Variants in TAB2 observed in about 807,000 individuals in gnomAD.
TAB2 encodes TGF-beta-activated kinase 1 and MAP3K7-binding protein 2.
In TAB2, 3 loss-of-function variants were observed where a neutral mutation model predicts 65.0. That is an observed-to-expected ratio of 0.05 (90% CI 0.02 to 0.12). The LOEUF is 0.12. Among genes scored for constraint, TAB2 ranks in the 10% least tolerant of loss-of-function variants. The pLI is 1.00. For synonymous variants in TAB2, 298 were observed against 285.1 expected, an observed-to-expected ratio of 1.05 and a Z score of -0.46; for missense variants, 623 against 840.3, an observed-to-expected ratio of 0.74 and a Z score of 3.20.
chr6:149,298,690 C>T (rs1342025218), intron 1 of TAB2, among the ~76,000 whole-genome samples: 2 of 151,108 alleles, frequency 1.3e-5, no homozygotes, highest in East Asian at 3.9e-4. Context: ...AGGTTTTTCT[C>T]ATTTATAAAT....
chr6:149,350,840 A>G (rs536436098), intron 1 of TAB2, among the ~76,000 whole-genome samples: 1 of 152,226 alleles, frequency 6.6e-6, no homozygotes, highest in South Asian at 2.1e-4. Context: ...AGAACGGTGC[A>G]AAGATAAAAT....
chr6:149,379,603 C>A, intron 3 of TAB2, 85 bp downstream of exon 3: 2 of 1,304,948 alleles, frequency 1.5e-6, no homozygotes, highest in Non-Finnish European at 2.2e-6. Flanking sequence ...TGGATGTTAG[C>A]ATTGTTATTT....
At position 149,379,614 on chromosome 6, in the gene TAB2, C is replaced by A. The variant is rs1583141746; in HGVS notation, c.1603+96C>A. 10 of 1,201,810 alleles carry A rather than the reference C, an allele frequency of 8.3e-6. No individual in the cohort carries two copies. The East Asian group carries it at 1.6e-4, about 20-fold the overall frequency. 74.4% of individuals were successfully genotyped at this position (1,201,810 alleles called of 1,614,324 possible). ...GAAATGGATGTTAGCATTGTTATTT[C>A]ATTGTTTAAATATTGCCCCAAATGA... On this transcript the variant is annotated intron_variant, in intron 3 of 6. Transcript: ENST00000637181.
chr6:149,273,578 T>G (rs541799), intron 1 of TAB2, among the ~76,000 whole-genome samples: 3,504 of 152,280 alleles, frequency 0.023, 61 homozygotes, highest in Non-Finnish European at 0.035. Flanking sequence ...AACTGTGCAG[T>G]GGAGGAAGTG....
chr6:149,254,558 AC>A (rs148673565), intron 1 of TAB2, among the ~76,000 whole-genome samples: 1 of 152,236 alleles, frequency 6.6e-6, no homozygotes, highest in African/African-American at 2.4e-5. Context: ...GTCATGATTG[AC>A]AGTTCCACAG....
chr6:149,362,033 A>G (rs1210966884), intron 1 of TAB2, among the ~76,000 whole-genome samples: 1 of 152,172 alleles, frequency 6.6e-6, no homozygotes, highest in Non-Finnish European at 1.5e-5. Context: ...ATAACCATTT[A>G]ACCAGTCTCT....
In TAB2 at chr6:149,367,062, G is replaced by A. The variant is rs192019712; in HGVS notation, c.-89-2847G>A. On this transcript the variant is annotated intron_variant, in intron 1 of 6. Transcript: ENST00000637181. ...AATATTCATTTTATTCAACAAATAT[G>A]TTGCATCTTCTGTGAGCCAGGAATG... 4.5e-3 allele frequency among the ~76,000 whole-genome samples: 678 copies of A among 151,874 alleles called. 4 individuals are homozygous for A. The highest frequency in any genetic ancestry group is 5.5e-3 in the Non-Finnish European group (371 of 67,962).
At chr6:149,406,788 G>C (rs1046008454) in intron 6 of TAB2, among the ~76,000 whole-genome samples, 2 of 151,874 alleles carry the variant, frequency 1.3e-5, no homozygotes, top group African/African-American at 4.8e-5. Flanking sequence ...GCGCAATCTC[G>C]GCTCACCACA....
At chr6:149,337,063 A>C (rs1483924487) in intron 1 of TAB2, among the ~76,000 whole-genome samples, 6 of 152,176 alleles carry the variant, frequency 3.9e-5, no homozygotes, top group Admixed American at 3.9e-4. Flanking sequence ...AAAAGCACAG[A>C]TATTTTCAGA....
At chr6:149,396,696 A>T (rs2114939194) in intron 3 of TAB2, among the ~76,000 whole-genome samples, 1 of 152,372 alleles carries the variant, frequency 6.6e-6, no homozygotes, top group East Asian at 1.9e-4. Context: ...CAAGTAGTTC[A>T]TGCTGCAGGA....
intron 1 of TAB2, among the ~76,000 whole-genome samples, chr6:149,258,295 A>C (rs951003676): frequency 3.9e-5 from 6 of 152,096 alleles, no homozygotes; most frequent in African/African-American, 1.4e-4. Context: ...TATGGTGTAA[A>C]TACTCCCACC....
intron 1 of TAB2, among the ~76,000 whole-genome samples, chr6:149,343,891 T>C (rs1780207172): frequency 6.6e-6 from 1 of 152,232 alleles, no homozygotes; most frequent in Non-Finnish European, 1.5e-5. Flanking sequence ...ACATGTCTTT[T>C]GATTTTAGTT....
At chr6:149,238,232 T>C (rs549082023) in intron 1 of TAB2, among the ~76,000 whole-genome samples, 12 of 152,290 alleles carry the variant, frequency 7.9e-5, no homozygotes, top group Non-Finnish European at 1.6e-4. Context: ...ACCAGGAAAC[T>C]CCACATGGAA....
chr6:149,392,940 AAACTCAC>A (rs139993651), intron 3 of TAB2, among the ~76,000 whole-genome samples: 3,612 of 152,310 alleles, frequency 0.024, 130 homozygotes, highest in African/African-American at 0.084. Flanking sequence ...CTTGCAGACA[AAACTCAC>A]AGCTAGAGAA....
At chr6:149,311,046 T>A (rs1779158485) in intron 1 of TAB2, among the ~76,000 whole-genome samples, 1 of 152,170 alleles carries the variant, frequency 6.6e-6, no homozygotes, top group Admixed American at 6.5e-5. Flanking sequence ...TCCACCTGAA[T>A]TGAGGGTAGA....
rs528102199 is a variant in TAB2 at position 149,254,186 on chromosome 6, C to A, written c.-121+35410C>A. On this transcript the variant is annotated intron_variant, in intron 1 of 1. Coordinates refer to the TAB2 transcript ENST00000606202. ...AAAGGAAAAAGAAAAACAAAGCATG[C>A]AGTTCTGATGACCAAATACGCTCCC... 9.9e-5 allele frequency among the ~76,000 whole-genome samples: 15 copies of A among 151,530 alleles called. No individual in the cohort carries two copies. In the South Asian group the frequency reaches 2.1e-3, roughly 21 times the overall value.
intron 2 of TAB2, among the ~76,000 whole-genome samples, chr6:149,373,802 C>G (rs1380928486): frequency 1.3e-5 from 2 of 152,144 alleles, no homozygotes; most frequent in African/African-American, 4.8e-5. Context: ...AGTCTTCTAC[C>G]CTTTCTCACT....
chr6:149,403,293 C>CAT (rs769018737), intron 6 of TAB2, among the ~76,000 whole-genome samples: 2,759 of 61,026 alleles, frequency 0.045, 93 homozygotes, highest in Non-Finnish European at 0.061. Flanking sequence ...TACACACACA[C>CAT]ACATATATAT....
At chr6:149,399,074 A>G (rs888169060) in intron 5 of TAB2, 30 bp from the exon 6 acceptor site, 1 of 1,557,744 alleles carries the variant, frequency 6.4e-7, no homozygotes, top group Admixed American at 1.7e-5. Flanking sequence ...AGCTATAAGC[A>G]TTGATATATT....
Sources: allele counts gnomAD v4.1 joint callset (sites outside exome capture counted in the v4.1 genomes callset), GRCh38; gene constraint gnomAD v4.1.1; transcripts MANE v1.5; gene names NCBI Gene and HGNC (gene_info 2026-07-23, HGNC 2026-07-21).